Variants in NTMT1 observed in about 807,000 individuals in gnomAD.
NTMT1 encodes the protein N-terminal Xaa-Pro-Lys N-methyltransferase 1.
In NTMT1, 8 loss-of-function variants were observed where a neutral mutation model predicts 17.5. That is an observed-to-expected ratio of 0.46 (90% CI 0.27 to 0.82). The LOEUF is 0.82. NTMT1 is among the 40% of genes least tolerant of loss of function. The pLI is 0.15. For missense variants in NTMT1, 221 were observed against 303.5 expected (o/e 0.73, Z 2.02); for synonymous variants, 128 against 126.8 (o/e 1.01, Z -0.06).
intron 1 of NTMT1, among the ~76,000 whole-genome samples, chr9:129,628,236 C>T (rs1354364786): frequency 1.3e-5 from 2 of 152,206 alleles, no homozygotes; most frequent in East Asian, 3.8e-4. Context: ...CTGCCCCACT[C>T]CAATCTGGAC....
chr9:129,627,027 G>T (rs1319214257), intron 1 of NTMT1, among the ~76,000 whole-genome samples: 1 of 152,210 alleles, frequency 6.6e-6, no homozygotes. Context: ...TGAGCCTCTG[G>T]GAGGAACCAG....
rs2118852066 is a variant in NTMT1, at chr9:129,613,182, T to C, written c.-55+4004T>C. On this transcript the variant is annotated intron_variant, in intron 1 of 3. Transcript: ENST00000372486. The surrounding 1 kb of genome is among the most constrained non-coding windows in gnomAD (Gnocchi z 6.2). Reference sequence around the variant, plus strand: ...GCCTCTGAGCAGCGGCCTTCTTCCATGAACAGAAGGGCAGGCTGCTGTTCA... The same window carrying C: ...GCCTCTGAGCAGCGGCCTTCTTCCACGAACAGAAGGGCAGGCTGCTGTTCA... The C allele has an allele frequency of 2.5e-6, 4 of 1,613,686 alleles. No individual in the cohort carries two copies. Among genetic ancestry groups the C allele is most frequent in the Non-Finnish European group, 3.4e-6 (4 of 1,180,008 alleles).
chr9:129,628,586 C>G (rs1440806869), intron 1 of NTMT1: 1 of 152,198 alleles, frequency 6.6e-6, no homozygotes, highest in Non-Finnish European at 1.5e-5. Context: ...AAAGCCCATT[C>G]TTGCATTATT....
intron 2 of NTMT1, chr9:129,633,394 C>T (rs569820919): frequency 4.9e-6 from 1 of 203,722 alleles, no homozygotes; most frequent in African/African-American, 2.3e-5. Flanking sequence ...CTCTCTGCAC[C>T]CTTGTTCACC....
chr9:129,622,886 G>A (rs1054925539), upstream of NTMT1, among the ~76,000 whole-genome samples: 13 of 151,982 alleles, frequency 8.6e-5, no homozygotes, highest in Admixed American at 1.3e-4. Flanking sequence ...AAAATTAGCC[G>A]GGCGTGACAG....
chr9:129,622,986 G>T (rs1171150519), upstream of NTMT1, among the ~76,000 whole-genome samples: 2 of 151,388 alleles, frequency 1.3e-5, no homozygotes, highest in African/African-American at 4.9e-5. Flanking sequence ...CCGAGATCAC[G>T]CCACTGCACT....
intron 1 of NTMT1, among the ~76,000 whole-genome samples, chr9:129,612,943 G>T (rs1196079066): frequency 1.3e-5 from 2 of 152,164 alleles, no homozygotes; most frequent in East Asian, 3.9e-4. Flanking sequence ...TGAGGGAGAT[G>T]CAGGAACACA....
intron 1 of NTMT1, chr9:129,628,815 A>C (rs991103744): frequency 2.6e-5 from 4 of 152,146 alleles, no homozygotes; most frequent in African/African-American, 9.7e-5. Flanking sequence ...CATGGTGATA[A>C]ATCTCAAATG....
upstream of NTMT1, among the ~76,000 whole-genome samples, chr9:129,624,692 C>T (rs1348062040): frequency 6.6e-6 from 1 of 152,198 alleles, no homozygotes; most frequent in Non-Finnish European, 1.5e-5. Context: ...AGCAATGGCG[C>T]GATCTAGGCT....
intron 2 of NTMT1, 104 bp from the exon 3 acceptor site, chr9:129,633,950 A>G: frequency 7.5e-7 from 1 of 1,329,266 alleles, no homozygotes; most frequent in Non-Finnish European, 1.0e-6. Context: ...GCTTGTGCGG[A>G]GTCCTGGAAT....
In NTMT1 at chr9:129,613,513, T is replaced by G. The variant is rs757643011; in HGVS notation, c.-55+4335T>G. 6.2e-7 allele frequency: 1 copy of G among 1,613,950 alleles called. No individual in the cohort carries two copies. Among genetic ancestry groups the G allele is most frequent in the African/African-American group, 1.3e-5 (1 of 74,898 alleles). On this transcript the variant is annotated intron_variant, in intron 1 of 3. Transcript: ENST00000372486. The surrounding 1 kb of genome is among the most constrained non-coding windows in gnomAD (Gnocchi z 6.2). ...AGGGTACAGGGCTTTGGGCAAACTCTCCAGCCGTTTTCCGACACTCCCAAA... is the reference window on the plus strand; with the variant it reads ...AGGGTACAGGGCTTTGGGCAAACTCGCCAGCCGTTTTCCGACACTCCCAAA...
chr9:129,621,231 G>A (rs1307280867), upstream of NTMT1, among the ~76,000 whole-genome samples: 1 of 152,224 alleles, frequency 6.6e-6, no homozygotes, highest in Non-Finnish European at 1.5e-5. Context: ...CCCAGCCCTG[G>A]TGCTGCCTCA....
chr9:129,614,733 T>C lies in NTMT1; in HGVS notation c.-55+5555T>C, dbSNP rs1830266502. 6.6e-6 allele frequency among the ~76,000 whole-genome samples: 1 copy of C among 151,668 alleles called. No homozygotes were observed. Among genetic ancestry groups the C allele is most frequent in the South Asian group, 2.1e-4 (1 of 4,808 alleles). The stretch of plus-strand genomic sequence containing the variant: ...CCCTGGTCAACATGGAGAAACCCCG[T>C]CTCTACTAAAAATACAAAATTAGCC... On this transcript the variant is annotated intron_variant, in intron 1 of 3. Transcript: ENST00000372486. The surrounding 1 kb of genome is among the most constrained non-coding windows in gnomAD (Gnocchi z 4.4).
chr9:129,618,009 C>G (rs1830479514), intron 1 of NTMT1, among the ~76,000 whole-genome samples: 1 of 152,180 alleles, frequency 6.6e-6, no homozygotes, highest in Non-Finnish European at 1.5e-5. Flanking sequence ...AGTTCCTACC[C>G]TGATCCATCA....
At chr9:129,619,920 A>G in intron 1 of NTMT1, 1 of 1,518,166 alleles carries the variant, frequency 6.6e-7, no homozygotes, top group East Asian at 2.3e-5. Context: ...ACCAGCCCTC[A>G]AGGACGGGTT....
Position 129,635,507 on chromosome 9 carries a change from G to A in NTMT1, c.*43G>A. 6.3e-7 allele frequency: 1 copy of A among 1,577,138 alleles called. No homozygotes were observed. Among genetic ancestry groups the A allele is most frequent in the Non-Finnish European group, 8.6e-7 (1 of 1,160,124 alleles). ...AAACTGAGGAACCACAGTCCTGGTG[G>A]GGGGAGCTGGCAGCTGGGCAAGATC... is the stretch of plus-strand genomic sequence containing the variant. On this transcript the variant is annotated 3_prime_UTR_variant, in exon 4 of 4. Coordinates refer to ENST00000372483, the MANE Select transcript of NTMT1 (RefSeq NM_014064.4).
rs575982882 is a variant in NTMT1 at position 129,619,897 on chromosome 9, G to T, written c.-55+10719G>T. The T allele has an allele frequency of 4.1e-5, 64 of 1,555,234 alleles. No homozygotes were observed. The South Asian group carries it at 6.4e-4, about 15-fold the overall frequency. On this transcript the variant is annotated intron_variant, in intron 1 of 3. Transcript: ENST00000372486. The stretch of plus-strand genomic sequence containing the variant: ...CGGTCCTTTCTAGTCATGTGGCCTC[G>T]GGGTGATGGCAGACCAGCCCTCAAG...
intron 1 of NTMT1, among the ~76,000 whole-genome samples, chr9:129,629,566 C>T (rs111816308): frequency 6.6e-6 from 1 of 152,094 alleles, no homozygotes; most frequent in Non-Finnish European, 1.5e-5. Context: ...GTTTCTGAGC[C>T]GTGGGCTTCT....
chr9:129,612,358 C>G (rs1290901535), intron 1 of NTMT1: 2 of 1,613,620 alleles, frequency 1.2e-6, no homozygotes, highest in African/African-American at 1.3e-5. Context: ...CACCTCTTAT[C>G]TGGCTGCAGT....
Sources: gnomAD v4.1 joint callset for allele counts (sites outside exome capture counted in the v4.1 genomes callset) on GRCh38, gnomAD v4.1.1 for gene constraint, Gnocchi (gnomAD v3.1) non-coding constraint, MANE v1.5 for transcripts, NCBI Gene and HGNC (gene_info 2026-07-23, HGNC 2026-07-21) for gene names.